SBF2: variants seen among roughly 807,000 people sequenced by gnomAD.
SBF2 encodes the protein myotubularin-related protein 13.
Under a neutral mutation model 225.2 loss-of-function variants are expected in SBF2, and 112 were observed. That is an observed-to-expected ratio of 0.50 (90% CI 0.43 to 0.58). The LOEUF is 0.58. SBF2 is among the 20% of genes least tolerant of loss of function. The probability of loss-of-function intolerance (pLI) is 0.00; values close to 1 mark genes in which losing one functional copy is unlikely to be tolerated. For synonymous variants in SBF2, 763 were observed against 773.3 expected (o/e 0.99, Z 0.22); for missense variants, 1,996 against 2,206.2 (o/e 0.90, Z 1.91).
chr11:9,913,052 CAG>C (rs1308495643), intron 16 of SBF2, among the ~76,000 whole-genome samples: 1 of 152,092 alleles, frequency 6.6e-6, no homozygotes, highest in East Asian at 1.9e-4. Flanking sequence ...GGGAGGCTGA[CAG>C]GGGTTGATGG....
At chr11:10,233,990 T>A (rs1454011036) in intron 1 of SBF2, among the ~76,000 whole-genome samples, 1 of 152,190 alleles carries the variant, frequency 6.6e-6, no homozygotes, top group Non-Finnish European at 1.5e-5. Context: ...CCTCTTGCAC[T>A]CCTAACTCCA....
At chr11:10,227,098 T>A (rs1958600268) in intron 1 of SBF2, among the ~76,000 whole-genome samples, 1 of 152,178 alleles carries the variant, frequency 6.6e-6, no homozygotes, top group African/African-American at 2.4e-5. Context: ...TTTTTTCATG[T>A]GTTTTTTGGC....
At chr11:10,201,034 G>T (rs2135353319) in intron 1 of SBF2, among the ~76,000 whole-genome samples, 1 of 152,202 alleles carries the variant, frequency 6.6e-6, no homozygotes, top group South Asian at 2.1e-4. Flanking sequence ...AAAACAATCT[G>T]CTTGGAACTT....
At chr11:10,256,200 T>C (rs142720192) in intron 1 of SBF2, among the ~76,000 whole-genome samples, 207 of 152,288 alleles carry the variant, frequency 1.4e-3, no homozygotes, top group African/African-American at 4.5e-3. Flanking sequence ...TGGTTCCCAA[T>C]AGGAAGGAAT....
chr11:9,970,134 C>A (rs1026748906), intron 13 of SBF2, among the ~76,000 whole-genome samples: 2 of 152,072 alleles, frequency 1.3e-5, no homozygotes, highest in African/African-American at 2.4e-5. Flanking sequence ...TTCTTTGCGA[C>A]CAGAAAATTC....
chr11:10,291,941 G>GT (rs1964185232), intron 1 of SBF2, among the ~76,000 whole-genome samples: 1 of 152,190 alleles, frequency 6.6e-6, no homozygotes, highest in African/African-American at 2.4e-5. Flanking sequence ...GTGCATATTC[G>GT]TATGTATCTA....
intron 2 of SBF2, among the ~76,000 whole-genome samples, chr11:10,082,771 C>A (rs1161253317): frequency 6.6e-6 from 1 of 152,000 alleles, no homozygotes; most frequent in African/African-American, 2.4e-5. Flanking sequence ...AACCCACAGT[C>A]AACATCATAC....
At chr11:9,873,586 G>A (rs1038898290) in intron 17 of SBF2, among the ~76,000 whole-genome samples, 31 of 152,192 alleles carry the variant, frequency 2.0e-4, no homozygotes, top group Admixed American at 1.7e-3. Context: ...CTGGGAAATA[G>A]AAGTATCTGC....
At chr11:9,975,864 G>A (rs567198745) in intron 13 of SBF2, among the ~76,000 whole-genome samples, 1 of 152,110 alleles carries the variant, frequency 6.6e-6, no homozygotes, top group East Asian at 1.9e-4. Flanking sequence ...AATATCATCA[G>A]TGTAGATGAC....
chr11:10,196,959 T>C (rs1313332869), intron 1 of SBF2, among the ~76,000 whole-genome samples: 2 of 150,956 alleles, frequency 1.3e-5, no homozygotes, highest in African/African-American at 4.9e-5. Flanking sequence ...TAAATGTTGT[T>C]GAACATACAT....
In SBF2 at chr11:9,852,725, G is replaced by C; in HGVS notation, c.2561C>G (p.Thr854Ser). The change falls in exon 21 of 40, where the codon ACC (threonine) becomes AGC (serine). Residue 854 changes from threonine to serine, a missense_variant. Coordinates refer to ENST00000256190, the MANE Select transcript of SBF2 (RefSeq NM_030962.4). ...IPGIVAMHIETLEAVHRESRR... is the reference protein window; with the variant it reads ...IPGIVAMHIESLEAVHRESRR... ...GCTTTCTCGATGTACTGCTTCTAGG[G>C]TCTCAATGTGCATAGCTACAATTCC... The C allele has an allele frequency of 1.2e-6, 2 of 1,612,818 alleles. No individual in the cohort carries two copies. The highest frequency in any genetic ancestry group is 1.7e-6 in the Non-Finnish European group (2 of 1,178,960).
chr11:10,160,848 A>T (rs1240411138), intron 2 of SBF2, among the ~76,000 whole-genome samples: 1 of 151,984 alleles, frequency 6.6e-6, no homozygotes, highest in Non-Finnish European at 1.5e-5. Flanking sequence ...GCTAATTCCT[A>T]TTCATCCTTC....
At chr11:9,945,120 C>A (rs1427719265) in intron 16 of SBF2, among the ~76,000 whole-genome samples, 1 of 151,832 alleles carries the variant, frequency 6.6e-6, no homozygotes, top group Non-Finnish European at 1.5e-5. Context: ...AAATAAAATT[C>A]ATATGGGACC....
chr11:10,041,813 C>T (rs1197683234), intron 3 of SBF2, among the ~76,000 whole-genome samples: 1 of 99,652 alleles, frequency 1.0e-5, no homozygotes, highest in East Asian at 1.9e-4. Context: ...ATACTCTATA[C>T]GTAGCAGAAA....
At chr11:10,194,379 A>G (rs1957288567) in intron 1 of SBF2, among the ~76,000 whole-genome samples, 1 of 152,224 alleles carries the variant, frequency 6.6e-6, no homozygotes, top group African/African-American at 2.4e-5. Context: ...TGCATAGGTT[A>G]TATGCAAATA....
chr11:10,133,966 T>C (rs1281602322), intron 2 of SBF2, among the ~76,000 whole-genome samples: 1 of 152,246 alleles, frequency 6.6e-6, no homozygotes, highest in Non-Finnish European at 1.5e-5. Flanking sequence ...AGGAACATCT[T>C]ACGTAAAGCT....
intron 16 of SBF2, chr11:9,960,714 G>A (rs373356376): frequency 5.9e-5 from 9 of 152,002 alleles, no homozygotes; most frequent in African/African-American, 2.2e-4. Flanking sequence ...ACCCAGGCTG[G>A]AGTGCAGTGG....
Position 9,989,551 on chromosome 11 carries a change from G to T in SBF2, c.1341C>A (p.Asn447Lys). Reference sequence around the variant, plus strand: ...TGACATGCTTTATCATCTTCACTGGGTTATTTTCTTCAACTTTAATTCTCT... The same window carrying T: ...TGACATGCTTTATCATCTTCACTGGTTTATTTTCTTCAACTTTAATTCTCT... ...EVERIKVEEN[N>K]PVKMIKHVRE... Residue 447 changes from asparagine (N) to lysine (K), a missense_variant, in exon 13 of 40, where the codon AAC (asparagine) becomes AAA (lysine). Transcript: ENST00000256190. The T allele has an allele frequency of 6.2e-7, 1 of 1,610,784 alleles. No homozygotes were observed. Among genetic ancestry groups the T allele is most frequent in the Non-Finnish European group, 8.5e-7 (1 of 1,177,596 alleles).
intron 26 of SBF2, among the ~76,000 whole-genome samples, chr11:9,836,113 A>G (rs978415189): frequency 1.5e-4 from 23 of 152,184 alleles, no homozygotes; most frequent in Admixed American, 9.2e-4. Flanking sequence ...ATCTCCTGAT[A>G]TACAGAAGTT....
Sources: allele counts gnomAD v4.1 joint callset (sites outside exome capture counted in the v4.1 genomes callset), GRCh38; gene constraint gnomAD v4.1.1; transcripts MANE v1.5; gene names NCBI Gene and HGNC (gene_info 2026-07-23, HGNC 2026-07-21).